The following CNOT4 variants were observed in gnomAD, a reference collection of about 807,000 sequenced individuals.
The protein encoded by CNOT4 is CCR4-NOT transcription complex subunit 4, also known as CCR4-associated factor 4.
CNOT4 carries 8 observed loss-of-function variants against 73.8 expected under a neutral mutation model. The ratio of observed to expected loss-of-function variants is 0.11; its 90% CI spans 0.06 to 0.20. The LOEUF (loss-of-function observed/expected upper bound fraction) is 0.20, where lower values mean the gene tolerates loss of function less well. CNOT4 is among the 10% of genes least tolerant of loss of function. The probability of loss-of-function intolerance (pLI) is 1.00; values close to 1 mark genes in which losing one functional copy is unlikely to be tolerated. For missense variants in CNOT4, 564 were observed against 883.4 expected, an observed-to-expected ratio of 0.64 and a Z score of 4.58; for synonymous variants, 293 against 321.1, an observed-to-expected ratio of 0.91 and a Z score of 0.94.
intron 1 of CNOT4, among the ~76,000 whole-genome samples, chr7:135,492,995 T>C (rs1362324807): frequency 6.6e-6 from 1 of 152,122 alleles, no homozygotes; most frequent in East Asian, 1.9e-4. Flanking sequence ...GTAACCCAGG[T>C]GGCAGTAGAT....
chr7:135,445,643 C>T (rs977750709), intron 1 of CNOT4, among the ~76,000 whole-genome samples: 1 of 151,996 alleles, frequency 6.6e-6, no homozygotes, highest in Non-Finnish European at 1.5e-5. Context: ...AAATATAAAA[C>T]TATAAGTAAT....
chr7:135,443,062 A>G (rs751074830), intron 1 of CNOT4, among the ~76,000 whole-genome samples: 14 of 151,162 alleles, frequency 9.3e-5, no homozygotes, highest in African/African-American at 3.4e-4. Context: ...CTGTCTCAAC[A>G]ACAATTCTGC....
chr7:135,500,348 T>A (rs993097246), intron 1 of CNOT4, among the ~76,000 whole-genome samples: 1 of 152,140 alleles, frequency 6.6e-6, no homozygotes, highest in African/African-American at 2.4e-5. Flanking sequence ...ACCTACTTTT[T>A]TCCCCCAGCT....
rs200916734 is a variant in CNOT4, at chr7:135,488,084, G to GA, written c.-93+21804dup. Reference sequence around the variant, plus strand: ...ACTCCGTCTCAAAGAAGAAAAAAAAGAAAAAAAAAGCATTCTTTAAACTCT... The same window carrying GA: ...ACTCCGTCTCAAAGAAGAAAAAAAAGAAAAAAAAAAGCATTCTTTAAACTCT... On this transcript the variant is annotated intron_variant, in intron 1 of 11. Coordinates refer to ENST00000541284, the MANE Select transcript of CNOT4 (RefSeq NM_001190850.2). Among the ~76,000 whole-genome samples the GA allele has an allele frequency of 1.3e-3, 195 of 148,522 alleles. 1 individual carries two copies. In the East Asian group the frequency reaches 0.031, roughly 24 times the overall value.
intron 6 of CNOT4, among the ~76,000 whole-genome samples, chr7:135,411,576 T>A (rs1202473583): frequency 6.6e-6 from 1 of 152,024 alleles, no homozygotes; most frequent in Non-Finnish European, 1.5e-5. Context: ...AAAGATTGCC[T>A]GTGGAAGCTA....
intron 1 of CNOT4, among the ~76,000 whole-genome samples, chr7:135,481,008 C>T (rs1455011852): frequency 8.2e-6 from 1 of 121,656 alleles, no homozygotes; most frequent in African/African-American, 3.1e-5. Context: ...AAAAAAAAAA[C>T]ACATCAAGAC....
At chr7:135,494,424 C>G (rs1466923005) in intron 1 of CNOT4, among the ~76,000 whole-genome samples, 4 of 140,096 alleles carry the variant, frequency 2.9e-5, no homozygotes, top group African/African-American at 5.3e-5. Context: ...GAGCCGAGAT[C>G]GCGCCATTGC....
chr7:135,485,505 A>C (rs1482957982), intron 1 of CNOT4, among the ~76,000 whole-genome samples: 3 of 152,260 alleles, frequency 2.0e-5, no homozygotes, highest in Non-Finnish European at 4.4e-5. Flanking sequence ...GGATAACTAT[A>C]CCGCTACAGC....
chr7:135,473,529 T>C (rs1437304913), intron 1 of CNOT4, among the ~76,000 whole-genome samples: 1 of 152,176 alleles, frequency 6.6e-6, no homozygotes, highest in Non-Finnish European at 1.5e-5. Flanking sequence ...GGTGGATCCC[T>C]TGAGCCCACG....
chr7:135,401,367 A>T (rs1796991647), intron 7 of CNOT4, among the ~76,000 whole-genome samples: 1 of 152,228 alleles, frequency 6.6e-6, no homozygotes, highest in African/African-American at 2.4e-5. Flanking sequence ...CATGACATGG[A>T]CTATTCCCTG....
chr7:135,380,513 T>A (rs559781261), intron 10 of CNOT4, among the ~76,000 whole-genome samples: 8 of 152,340 alleles, frequency 5.3e-5, no homozygotes, highest in Admixed American at 2.6e-4. Context: ...ACAGGGCAGC[T>A]TTGAAAACCT....
chr7:135,448,617 C>A (rs533393848), intron 1 of CNOT4, among the ~76,000 whole-genome samples: 2 of 152,014 alleles, frequency 1.3e-5, no homozygotes, highest in Middle Eastern at 6.8e-3. Context: ...GCAAAGGACA[C>A]TACCTGCAAG....
chr7:135,460,785 T>C (rs1800829544), intron 1 of CNOT4, among the ~76,000 whole-genome samples: 1 of 152,130 alleles, frequency 6.6e-6, no homozygotes, highest in Non-Finnish European at 1.5e-5. Flanking sequence ...AAAAGCAGTA[T>C]CTATGAAGCA....
chr7:135,458,900 G>T (rs1277939569), intron 1 of CNOT4, among the ~76,000 whole-genome samples: 1 of 151,884 alleles, frequency 6.6e-6, no homozygotes, highest in Non-Finnish European at 1.5e-5. Context: ...TGCTAATGTT[G>T]GTATTTTGAC....
chr7:135,467,298 C>T (rs140908888), intron 1 of CNOT4, among the ~76,000 whole-genome samples: 248 of 152,302 alleles, frequency 1.6e-3, no homozygotes, highest in African/African-American at 5.2e-3. Flanking sequence ...TTATCAACTA[C>T]GGTCTAAACA....
intron 1 of CNOT4, among the ~76,000 whole-genome samples, chr7:135,443,740 T>C (rs943254068): frequency 1.3e-5 from 2 of 152,220 alleles, no homozygotes; most frequent in African/African-American, 4.8e-5. Flanking sequence ...ATGTAGTAAG[T>C]ACACAAAATA....
At chr7:135,409,180 T>G (rs529072767) in intron 7 of CNOT4, among the ~76,000 whole-genome samples, 1 of 152,176 alleles carries the variant, frequency 6.6e-6, no homozygotes, top group South Asian at 2.1e-4. Context: ...AACTTCATTC[T>G]TATACCAAGC....
At chr7:135,430,930 TAG>T (rs544895567) in intron 2 of CNOT4, among the ~76,000 whole-genome samples, 1 of 152,098 alleles carries the variant, frequency 6.6e-6, no homozygotes, top group Non-Finnish European at 1.5e-5. Flanking sequence ...TATTAAACAC[TAG>T]AGGAGTTACC....
At chr7:135,495,609 A>G (rs540814133) in intron 1 of CNOT4, among the ~76,000 whole-genome samples, 2 of 144,748 alleles carry the variant, frequency 1.4e-5, no homozygotes, top group South Asian at 4.6e-4. Flanking sequence ...CTGGGAGGCT[A>G]TAAGGAGCCA....
Sources: allele counts gnomAD v4.1 joint callset (sites outside exome capture counted in the v4.1 genomes callset), GRCh38; gene constraint gnomAD v4.1.1; transcripts MANE v1.5; gene names NCBI Gene and HGNC (gene_info 2026-07-23, HGNC 2026-07-21).